Variants in TLE4 observed in about 807,000 individuals in gnomAD.
TLE4 encodes TLE family member 4, transcriptional corepressor.
Under a neutral mutation model 92.8 loss-of-function variants are expected in TLE4, and 8 were observed. The ratio of observed to expected loss-of-function variants is 0.09; its 90% CI spans 0.05 to 0.16. TLE4 has a LOEUF of 0.16. Among genes scored for constraint, TLE4 ranks in the 10% least tolerant of loss-of-function variants. The pLI is 1.00. For synonymous variants in TLE4, 371 were observed against 374.1 expected, an observed-to-expected ratio of 0.99 and a Z score of 0.10; for missense variants, 675 against 997.6, an observed-to-expected ratio of 0.68 and a Z score of 4.36.
chr9:79,652,193 TC>T (rs1244861806), intron 6 of TLE4, among the ~76,000 whole-genome samples: 5 of 151,950 alleles, frequency 3.3e-5, no homozygotes, highest in African/African-American at 9.7e-5. Flanking sequence ...TTTTTCTTTT[TC>T]TTTTTTTTTT....
intron 5 of TLE4, among the ~76,000 whole-genome samples, chr9:79,614,110 T>G (rs2048968235): frequency 6.6e-6 from 1 of 152,148 alleles, no homozygotes; most frequent in African/African-American, 2.4e-5. Context: ...GACTGCCCCC[T>G]GCCTGATCCA....
At chr9:79,586,928 A>G (rs1483592332) in intron 4 of TLE4, among the ~76,000 whole-genome samples, 1 of 152,166 alleles carries the variant, frequency 6.6e-6, no homozygotes, top group East Asian at 1.9e-4. Flanking sequence ...CTACCCATCA[A>G]CTCAAGCATT....
intron 5 of TLE4, among the ~76,000 whole-genome samples, chr9:79,617,692 T>C (rs774172975): frequency 1.3e-5 from 2 of 152,182 alleles, no homozygotes; most frequent in Non-Finnish European, 2.9e-5. Flanking sequence ...TACTTAACTT[T>C]TCTGGGCTGC....
intron 8 of TLE4, among the ~76,000 whole-genome samples, chr9:79,679,766 T>C (rs2064086496): frequency 1.3e-5 from 2 of 152,284 alleles, no homozygotes; most frequent in African/African-American, 4.8e-5. Flanking sequence ...CATGTAAGTC[T>C]TTAATCCATC....
chr9:79,666,217 GTTTTTTTTTT>G (rs1162655919), intron 8 of TLE4, among the ~76,000 whole-genome samples: 14,384 of 65,612 alleles, frequency 0.22, 868 homozygotes, highest in Middle Eastern at 0.24. Context: ...TTTTTTTTTT[GTTTTTTTTTT>G]TTTTTTTTTT....
At chr9:79,720,888 T>C (rs987555492) in intron 16 of TLE4, among the ~76,000 whole-genome samples, 16 of 152,224 alleles carry the variant, frequency 1.1e-4, no homozygotes, top group Non-Finnish European at 1.9e-4. Context: ...TGGATAGATA[T>C]AACTTTACAA....
At chr9:79,711,761 G>A (rs1413568356) in intron 14 of TLE4, among the ~76,000 whole-genome samples, 3 of 152,178 alleles carry the variant, frequency 2.0e-5, no homozygotes, top group East Asian at 1.9e-4. Context: ...TTTAACTTTC[G>A]ATGTTATAAA....
chr9:79,680,020 C>G, intron 8 of TLE4, among the ~76,000 whole-genome samples: 1 of 151,968 alleles, frequency 6.6e-6, no homozygotes, highest in Non-Finnish European at 1.5e-5. Flanking sequence ...GTTACTGTAG[C>G]CTTGTAGTAT....
At chr9:79,603,873 AACCTT>A (rs1325990385) in intron 4 of TLE4, among the ~76,000 whole-genome samples, 1 of 152,052 alleles carries the variant, frequency 6.6e-6, no homozygotes, top group African/African-American at 2.4e-5. Context: ...CATTCTCTAG[AACCTT>A]ACTACTAGGG....
chr9:79,626,923 T>C (rs2052768533), intron 5 of TLE4, among the ~76,000 whole-genome samples: 1 of 152,222 alleles, frequency 6.6e-6, no homozygotes, highest in African/African-American at 2.4e-5. Flanking sequence ...TTCCGGTGTC[T>C]TCGCTAACCG....
intron 8 of TLE4, among the ~76,000 whole-genome samples, chr9:79,681,291 G>C (rs886408989): frequency 6.6e-6 from 1 of 151,262 alleles, no homozygotes; most frequent in African/African-American, 2.4e-5. Context: ...TTAATCTGCT[G>C]TGGTTAAAGG....
chr9:79,617,117 A>T (rs1245505990), intron 5 of TLE4, among the ~76,000 whole-genome samples: 1 of 152,178 alleles, frequency 6.6e-6, no homozygotes, highest in Non-Finnish European at 1.5e-5. Context: ...AAAAACTGGG[A>T]AGAGTTCAAG....
At chr9:79,573,570 C>G (rs1247623159) in intron 1 of TLE4, 119 bp from the exon 2 acceptor site, 1 of 915,542 alleles carries the variant, frequency 1.1e-6, no homozygotes, top group Non-Finnish European at 1.6e-6. Flanking sequence ...GTTTTAATCT[C>G]TCTTTGCTTG....
At chr9:79,655,329 G>A (rs2059627649) in intron 8 of TLE4, among the ~76,000 whole-genome samples, 1 of 152,190 alleles carries the variant, frequency 6.6e-6, no homozygotes, top group African/African-American at 2.4e-5. Context: ...AGTATAGGTA[G>A]TTATATCTTG....
intron 4 of TLE4, among the ~76,000 whole-genome samples, chr9:79,586,477 G>A (rs2041138766): frequency 6.6e-6 from 1 of 152,172 alleles, no homozygotes; most frequent in Non-Finnish European, 1.5e-5. Context: ...TTTATTACCT[G>A]TTGTGTAATT....
At chr9:79,668,724 A>G (rs994854004) in intron 8 of TLE4, 3 of 544,832 alleles carry the variant, frequency 5.5e-6, no homozygotes, top group South Asian at 8.5e-5. Flanking sequence ...GAAGAACAGT[A>G]TATGCTAAAA....
chr9:79,600,281 A>G (rs995199542), intron 4 of TLE4, among the ~76,000 whole-genome samples: 1 of 152,226 alleles, frequency 6.6e-6, no homozygotes, highest in Non-Finnish European at 1.5e-5. Flanking sequence ...GAAAACAAAC[A>G]AAAGTGGATG....
At chr9:79,653,049 AT>A in intron 7 of TLE4, 1 of 522,606 alleles carries the variant, frequency 1.9e-6, no homozygotes, top group Admixed American at 2.4e-5. Flanking sequence ...GCTACCTTCT[AT>A]GTTCCCCAGG....
At chr9:79,701,746 G>A (rs879469599) in intron 8 of TLE4, among the ~76,000 whole-genome samples, 2 of 152,168 alleles carry the variant, frequency 1.3e-5, no homozygotes, top group Non-Finnish European at 2.9e-5. Flanking sequence ...GAAAAGGAAT[G>A]TATCATAAGA....
Sources: allele counts gnomAD v4.1 joint callset (sites outside exome capture counted in the v4.1 genomes callset), GRCh38; gene constraint gnomAD v4.1.1; transcripts MANE v1.5; gene names NCBI Gene and HGNC (gene_info 2026-07-23, HGNC 2026-07-21).